The following MAP3K7CL variants were observed in gnomAD, a reference collection of about 807,000 sequenced individuals.
MAP3K7CL encodes MAP3K7 C-terminal-like protein.
MAP3K7CL carries 16 observed loss-of-function variants against 18.6 expected under a neutral mutation model. The observed-to-expected ratio is 0.86, with a 90% CI of 0.58 to 1.31. The LOEUF (loss-of-function observed/expected upper bound fraction) is 1.31. Ranked by LOEUF, MAP3K7CL falls within the 50% of genes most tolerant of loss-of-function variation. MAP3K7CL has a pLI of 0.00. For missense variants in MAP3K7CL, 163 were observed against 174.4 expected (o/e 0.93, Z 0.37); for synonymous variants, 65 against 66.8 (o/e 0.97, Z 0.13).
intron 2 of MAP3K7CL, among the ~76,000 whole-genome samples, chr21:29,134,096 A>G (rs1441517768): frequency 2.0e-5 from 3 of 152,352 alleles, no homozygotes; most frequent in African/African-American, 4.8e-5. Context: ...GGCATCCGCC[A>G]TTGCTCTTAG....
chr21:29,094,097 T>G (rs1238909667), intron 4 of MAP3K7CL, among the ~76,000 whole-genome samples: 1 of 152,194 alleles, frequency 6.6e-6, no homozygotes, highest in Non-Finnish European at 1.5e-5. Context: ...AGGGCAATGG[T>G]TCTCAACTGG....
At chr21:29,127,498 A>G (rs996521400), upstream of MAP3K7CL, among the ~76,000 whole-genome samples, 2 of 152,236 alleles carry the variant, frequency 1.3e-5, no homozygotes, top group Non-Finnish European at 2.9e-5. Context: ...AAGTGTTTGG[A>G]TAAAGAGCCA....
At chr21:29,142,252 G>C (rs1443905912) in intron 2 of MAP3K7CL, among the ~76,000 whole-genome samples, 1 of 151,932 alleles carries the variant, frequency 6.6e-6, no homozygotes, top group Non-Finnish European at 1.5e-5. Flanking sequence ...TTTTTTGTAG[G>C]TATGGGGTTT....
intron 3 of MAP3K7CL, among the ~76,000 whole-genome samples, chr21:29,153,536 C>T (rs998293003): frequency 1.3e-5 from 2 of 152,164 alleles, no homozygotes; most frequent in African/African-American, 4.8e-5. Context: ...CAGCCTCGAC[C>T]TCCCCAAGCT....
intron 4 of MAP3K7CL, among the ~76,000 whole-genome samples, chr21:29,166,314 C>G (rs2087687273): frequency 6.6e-6 from 1 of 152,180 alleles, no homozygotes; most frequent in Admixed American, 6.5e-5. Context: ...CAGGTTCATC[C>G]ATGTTGTTGC....
At chr21:29,114,610 C>G (rs563642413) in intron 4 of MAP3K7CL, among the ~76,000 whole-genome samples, 1 of 152,212 alleles carries the variant, frequency 6.6e-6, no homozygotes, top group East Asian at 1.9e-4. Context: ...AGGCTGGTCT[C>G]AAACTCCTGG....
Position 29,101,089 on chromosome 21 carries a change from C to T in MAP3K7CL, c.370+8508C>T, listed in dbSNP as rs537320132. Among the ~76,000 whole-genome samples, 31 of 151,772 alleles carry T rather than the reference C, an allele frequency of 2.0e-4. No individual in the cohort carries two copies. The Middle Eastern group carries it at 0.01, about 50-fold the overall frequency. On this transcript the variant is annotated intron_variant, in intron 4 of 6. Transcript: ENST00000286791. ...GATCTGGGATTACAGGCATGAGCTA[C>T]CGCGCGTGGCCGCAAACATTTTTTA...
At chr21:29,174,270 G>T (rs2087912278) in intron 4 of MAP3K7CL, among the ~76,000 whole-genome samples, 1 of 152,134 alleles carries the variant, frequency 6.6e-6, no homozygotes, top group African/African-American at 2.4e-5. Flanking sequence ...TTGGAGATTT[G>T]TTCAACTCAG....
intron 4 of MAP3K7CL, among the ~76,000 whole-genome samples, chr21:29,097,346 C>T (rs966299816): frequency 6.6e-6 from 1 of 151,568 alleles, no homozygotes; most frequent in Non-Finnish European, 1.5e-5. Context: ...ATATTTAGAA[C>T]TTATTATCCA....
intron 4 of MAP3K7CL, among the ~76,000 whole-genome samples, chr21:29,163,597 A>C (rs1172600219): frequency 6.6e-6 from 1 of 151,544 alleles, no homozygotes; most frequent in Admixed American, 6.6e-5. Context: ...CTTCAGCTAC[A>C]TTGGCCTCCT....
chr21:29,149,600 A>G (rs2832216), intron 3 of MAP3K7CL, among the ~76,000 whole-genome samples: 71,730 of 152,014 alleles, frequency 0.47, 17,067 homozygotes, highest in East Asian at 0.6. Context: ...GTGATTTAGT[A>G]TTAAACTCTG....
At chr21:29,122,079 C>T (rs909789475) in intron 4 of MAP3K7CL, 3 of 152,174 alleles carry the variant, frequency 2.0e-5, no homozygotes, top group Admixed American at 6.5e-5. Flanking sequence ...CTGGAAAGTG[C>T]TCCCTCATGT....
chr21:29,149,304 G>A, intron 3 of MAP3K7CL, 54 bp downstream of exon 3: 1 of 1,526,698 alleles, frequency 6.6e-7, no homozygotes, highest in Non-Finnish European at 9.1e-7. Flanking sequence ...ATAAAGTATA[G>A]CGAGCTGGGC....
intron 3 of MAP3K7CL, among the ~76,000 whole-genome samples, chr21:29,151,327 C>A (rs1054389323): frequency 6.6e-6 from 1 of 151,726 alleles, no homozygotes; most frequent in Non-Finnish European, 1.5e-5. Flanking sequence ...TGTGGTGGCA[C>A]ACACCTATAG....
intron 3 of MAP3K7CL, among the ~76,000 whole-genome samples, chr21:29,150,257 G>C (rs899776211): frequency 2.0e-5 from 3 of 152,186 alleles, no homozygotes; most frequent in Non-Finnish European, 4.4e-5. Context: ...AGCCAAGATA[G>C]TGTTCCTTTT....
chr21:29,112,574 C>A (rs750487110), intron 4 of MAP3K7CL, among the ~76,000 whole-genome samples: 2 of 151,526 alleles, frequency 1.3e-5, no homozygotes, highest in African/African-American at 2.4e-5. Context: ...TCTTTTTTCC[C>A]TTTCTTTGGT....
intron 4 of MAP3K7CL, among the ~76,000 whole-genome samples, chr21:29,166,237 A>G (rs915982729): frequency 3.3e-5 from 5 of 152,138 alleles, no homozygotes; most frequent in Admixed American, 1.3e-4. Flanking sequence ...TAGATTCCAC[A>G]TAGGAGCGTG....
chr21:29,166,013 A>G (rs1295864018), intron 4 of MAP3K7CL, among the ~76,000 whole-genome samples: 1 of 152,202 alleles, frequency 6.6e-6, no homozygotes, highest in African/African-American at 2.4e-5. Context: ...TGTGGTGAGA[A>G]CATTCAAAAT....
Position 29,174,776 on chromosome 21 carries a change from C to G in MAP3K7CL, c.313C>G (p.Arg105Gly), listed in dbSNP as rs200856600. ...GAAGGTGGATGCTGCTGAGCTGGTT[C>G]GGGAATTCGAGGCTCTGACGGAGGA... ...KEKVDAAELV[R>G]EFEALTEENR... The change falls in exon 5 of 5, where the codon CGG (arginine) becomes GGG (glycine). Residue 105 changes from arginine (R) to glycine (G), a missense_variant. By Grantham distance (125) the Arg-to-Gly change is moderately radical. Coordinates refer to ENST00000399928, the MANE Select transcript of MAP3K7CL (RefSeq NM_001286620.2). The G allele has an allele frequency of 6.2e-7, 1 of 1,613,984 alleles. No homozygotes were observed. Among genetic ancestry groups the G allele is most frequent in the African/African-American group, 1.3e-5 (1 of 74,886 alleles).
Sources: gnomAD v4.1 joint callset for allele counts (sites outside exome capture counted in the v4.1 genomes callset) on GRCh38, gnomAD v4.1.1 for gene constraint, MANE v1.5 for transcripts, NCBI Gene and HGNC (gene_info 2026-07-23, HGNC 2026-07-21) for gene names.